LZTFL1: variants seen among roughly 807,000 people sequenced by gnomAD.
LZTFL1 encodes the protein leucine zipper transcription factor-like protein 1.
In LZTFL1, 25 loss-of-function variants were observed where a neutral mutation model predicts 45.9. That is an observed-to-expected ratio of 0.54 (90% CI 0.40 to 0.76). The LOEUF is 0.76. Among genes scored for constraint, LZTFL1 ranks in the 30% least tolerant of loss-of-function variants. The probability of loss-of-function intolerance (pLI) is 0.00; values close to 1 mark genes in which losing one functional copy is unlikely to be tolerated. For missense variants in LZTFL1, 277 were observed against 331.1 expected, an observed-to-expected ratio of 0.84 and a Z score of 1.27; for synonymous variants, 93 against 117.4, an observed-to-expected ratio of 0.79 and a Z score of 1.35.
chr3:45,838,876 C>T (rs1423638440), intron 1 of LZTFL1, among the ~76,000 whole-genome samples: 1 of 152,182 alleles, frequency 6.6e-6, no homozygotes, highest in African/African-American at 2.4e-5. Context: ...AAAGGGAAAT[C>T]TCTAAGGTAC....
At chr3:45,845,276 A>G (rs552421652), upstream of LZTFL1, among the ~76,000 whole-genome samples, 1 of 152,334 alleles carries the variant, frequency 6.6e-6, no homozygotes, top group Non-Finnish European at 1.5e-5. Flanking sequence ...TCTTTCAAAA[A>G]TGGCCTTATA....
chr3:45,896,000 C>T (rs1439939662), intron 2 of LZTFL1, among the ~76,000 whole-genome samples: 2 of 152,184 alleles, frequency 1.3e-5, no homozygotes, highest in Admixed American at 1.3e-4. Flanking sequence ...GTGGTTGAAA[C>T]AGTTTATCAA....
At chr3:45,831,733 AC>A (rs1173299472) in intron 5 of LZTFL1, among the ~76,000 whole-genome samples, 2 of 152,044 alleles carry the variant, frequency 1.3e-5, no homozygotes, top group Non-Finnish European at 2.9e-5. Flanking sequence ...CCTGCCCAAC[AC>A]ACTCACTTCT....
chr3:45,843,271 G>A (rs1342257599), upstream of LZTFL1, among the ~76,000 whole-genome samples: 1 of 152,216 alleles, frequency 6.6e-6, no homozygotes, highest in African/African-American at 2.4e-5. Context: ...TCTGTTTAGT[G>A]AGTGTTGTTG....
chr3:45,894,949 T>G lies in LZTFL1; in HGVS notation c.-215+18171A>C, dbSNP rs773897373. The G allele has an allele frequency of 1.9e-6, 3 of 1,614,096 alleles. No individual in the cohort carries two copies. The Admixed American group carries it at 5.0e-5, about 27-fold the overall frequency. ...CTGACCCACCATGACACCCACAGAC[T>G]TCACAGTGAGTACAGCCGTGCTCCT... is the stretch of plus-strand genomic sequence containing the variant. On this transcript the variant is annotated intron_variant, in intron 2 of 4. Coordinates refer to the LZTFL1 transcript ENST00000472635.
At chr3:45,856,330 A>G (rs951605521) in intron 3 of LZTFL1, among the ~76,000 whole-genome samples, 5 of 152,220 alleles carry the variant, frequency 3.3e-5, no homozygotes, top group Non-Finnish European at 5.9e-5. Context: ...CTGGCTAGCC[A>G]TATGCAGAAA....
intron 2 of LZTFL1, chr3:45,894,989 C>T: frequency 1.2e-6 from 2 of 1,606,360 alleles, no homozygotes; most frequent in Admixed American, 1.7e-5. Context: ...CTCCTCAAAA[C>T]ACACACTCAT....
intron 2 of LZTFL1, among the ~76,000 whole-genome samples, chr3:45,877,228 A>C: frequency 6.7e-6 from 1 of 148,776 alleles, no homozygotes. Flanking sequence ...TTTCACAAGC[A>C]TCTCTTTTTT....
intron 2 of LZTFL1, among the ~76,000 whole-genome samples, chr3:45,867,963 C>G (rs1701604856): frequency 6.6e-6 from 1 of 150,838 alleles, no homozygotes; most frequent in African/African-American, 2.4e-5. Flanking sequence ...GATTCAAGGG[C>G]AGCAATTTTC....
chr3:45,864,697 A>G (rs1701550612), intron 2 of LZTFL1, among the ~76,000 whole-genome samples: 1 of 152,216 alleles, frequency 6.6e-6, no homozygotes, highest in Admixed American at 6.5e-5. Flanking sequence ...ATCATTAATT[A>G]TTAAAAGAAT....
At chr3:45,908,888 A>T (rs779192044) in intron 2 of LZTFL1, among the ~76,000 whole-genome samples, 4 of 152,192 alleles carry the variant, frequency 2.6e-5, no homozygotes, top group Non-Finnish European at 5.9e-5. Flanking sequence ...GTTAGGAACC[A>T]GGCTGCACAG....
chr3:45,895,143 G>T, intron 2 of LZTFL1: 1 of 637,002 alleles, frequency 1.6e-6, no homozygotes, highest in Non-Finnish European at 2.8e-6. Flanking sequence ...AATGCAAAGA[G>T]GCAGCTATGC....
chr3:45,842,235 C>T (rs1575264247), upstream of LZTFL1: 1 of 1,318,708 alleles, frequency 7.6e-7, no homozygotes, highest in Non-Finnish European at 1.0e-6. Flanking sequence ...GCATTGGCTT[C>T]CAGGGCCGGA....
rs2125671253 is a variant in LZTFL1, at chr3:45,824,360, G to A, written c.*1954C>T. Reference sequence around the variant, plus strand: ...ACTGTATTTTGCTAAAGGGTATAGAGTAAATAACAACAACAACAACAACAA... The same window carrying A: ...ACTGTATTTTGCTAAAGGGTATAGAATAAATAACAACAACAACAACAACAA... On this transcript the variant is annotated 3_prime_UTR_variant, in exon 10 of 10. Transcript: ENST00000296135. 1 of 147,772 alleles carries A rather than the reference G, an allele frequency of 6.8e-6. No homozygotes were observed. Among genetic ancestry groups the A allele is most frequent in the East Asian group, 1.9e-4 (1 of 5,162 alleles). 9.2% of individuals were successfully genotyped at this position (147,772 alleles called of 1,614,324 possible). A position where few individuals can be genotyped will look rare whatever the true frequency, so the allele number is the denominator to read the frequency against.
chr3:45,897,700 C>A, intron 2 of LZTFL1: 1 of 1,162,754 alleles, frequency 8.6e-7, no homozygotes, highest in South Asian at 1.5e-5. Context: ...CCCCAGGAAC[C>A]AAAGTCGTCC....
chr3:45,837,609 T>C (rs1354876581), intron 2 of LZTFL1, among the ~76,000 whole-genome samples: 1 of 152,230 alleles, frequency 6.6e-6, no homozygotes, highest in East Asian at 1.9e-4. Context: ...ATAACTCAAG[T>C]AATTAAAGTT....
intron 8 of LZTFL1, among the ~76,000 whole-genome samples, chr3:45,828,134 G>A (rs959934351): frequency 6.6e-6 from 1 of 152,176 alleles, no homozygotes; most frequent in Non-Finnish European, 1.5e-5. Flanking sequence ...CAGGCTGTGG[G>A]AAGAAGGAGC....
At chr3:45,904,102 G>C (rs1483238506) in intron 2 of LZTFL1, among the ~76,000 whole-genome samples, 1 of 152,148 alleles carries the variant, frequency 6.6e-6, no homozygotes, top group Non-Finnish European at 1.5e-5. Flanking sequence ...GTGGGAGCCT[G>C]GGCAAGTAGC....
intron 2 of LZTFL1, among the ~76,000 whole-genome samples, chr3:45,891,444 T>C (rs756266959): frequency 6.6e-6 from 1 of 152,200 alleles, no homozygotes; most frequent in African/African-American, 2.4e-5. Flanking sequence ...TCTCTCTATA[T>C]ACATATGTTT....
Sources: allele counts gnomAD v4.1 joint callset (sites outside exome capture counted in the v4.1 genomes callset), GRCh38; gene constraint gnomAD v4.1.1; transcripts MANE v1.5; gene names NCBI Gene and HGNC (gene_info 2026-07-23, HGNC 2026-07-21).